Variants in DNAH9 observed in about 807,000 individuals in gnomAD.
The protein encoded by DNAH9 is dynein axonemal heavy chain 9.
Under a neutral mutation model 471.6 loss-of-function variants are expected in DNAH9, and 345 were observed. The observed-to-expected ratio is 0.73, with a 90% CI of 0.67 to 0.80. The LOEUF is 0.80. Among genes scored for constraint, DNAH9 ranks in the 30% least tolerant of loss-of-function variants. The pLI, the probability that DNAH9 is intolerant of heterozygous loss-of-function variation, is 0.00. For synonymous variants in DNAH9, 2,093 were observed against 2,123.6 expected (o/e 0.99, Z 0.40); for missense variants, 5,407 against 5,609.2 (o/e 0.96, Z 1.15).
Position 11,880,181 on chromosome 17 carries a change from G to C in DNAH9, c.10582G>C (p.Glu3528Gln). 1 of 1,613,764 alleles carries C rather than the reference G, an allele frequency of 6.2e-7. No homozygotes were observed. The highest frequency in any genetic ancestry group is 8.5e-7 in the Non-Finnish European group (1 of 1,179,832). The change falls in exon 54 of 69, where the codon GAA (glutamate) becomes CAA (glutamine). Residue 3528 changes from glutamate (E) to glutamine (Q), a missense_variant. By Grantham distance (29) the Glu-to-Gln change is conservative. Around this residue, in one of 3 missense-constraint regions of DNAH9, gnomAD observed 4,636 missense variants for 4,900.3 expected, o/e 0.95. Coordinates refer to ENST00000262442, the MANE Select transcript of DNAH9 (RefSeq NM_001372.4). ...DPVLGPLLGREVIKKGRFIKI... is the reference protein window; with the variant it reads ...DPVLGPLLGRQVIKKGRFIKI... Reference sequence around the variant, plus strand: ...TGTTCTGGGACCCCTGCTTGGGAGAGAAGTCATTAAAAAAGGACGGTAAGA... The same window carrying C: ...TGTTCTGGGACCCCTGCTTGGGAGACAAGTCATTAAAAAAGGACGGTAAGA...
At chr17:11,685,342 A>G (rs1442392274) in intron 19 of DNAH9, among the ~76,000 whole-genome samples, 1 of 152,222 alleles carries the variant, frequency 6.6e-6, no homozygotes, top group Non-Finnish European at 1.5e-5. Flanking sequence ...AAACAGCTGG[A>G]AAACTGCATG....
chr17:11,845,292 G>C (rs896108906), intron 49 of DNAH9, among the ~76,000 whole-genome samples: 1 of 135,012 alleles, frequency 7.4e-6, no homozygotes, highest in Non-Finnish European at 1.6e-5. Context: ...TACTGAGAAT[G>C]ATGATTTCCA....
chr17:11,924,002 C>G lies in DNAH9; in HGVS notation c.11877+61C>G, dbSNP rs540165794. On this transcript the variant is annotated intron_variant, in intron 62 of 68. Transcript: ENST00000262442. The stretch of plus-strand genomic sequence containing the variant: ...CCATACTTGCCTCATCCCACACTCA[C>G]TGGGCATCTCCATCCACTCTTAGCT... 8.2e-6 allele frequency: 13 copies of G among 1,578,906 alleles called. 1 individual carries two copies. In the South Asian group the frequency reaches 1.4e-4, roughly 17 times the overall value.
intron 14 of DNAH9, among the ~76,000 whole-genome samples, chr17:11,658,309 T>A (rs1597444812): frequency 1.3e-5 from 2 of 152,134 alleles, no homozygotes; most frequent in South Asian, 4.1e-4. Flanking sequence ...TAATTTCATT[T>A]TCCAATTACT....
intron 55 of DNAH9, chr17:11,883,262 C>T (rs1972785903): frequency 1.2e-5 from 12 of 1,043,334 alleles, no homozygotes; most frequent in Non-Finnish European, 1.3e-5. Context: ...CCTCTAGTTA[C>T]ACAAATAAGC....
intron 26 of DNAH9, among the ~76,000 whole-genome samples, chr17:11,715,979 G>T (rs1326347080): frequency 3.3e-5 from 5 of 152,126 alleles, no homozygotes; most frequent in Admixed American, 3.3e-4. Context: ...GAATCCTAGA[G>T]CAGGGATATG....
At chr17:11,702,335 C>T (rs1005793895) in intron 24 of DNAH9, among the ~76,000 whole-genome samples, 1 of 152,200 alleles carries the variant, frequency 6.6e-6, no homozygotes. Context: ...CCAGACCTAA[C>T]AAGAAATGTT....
intron 61 of DNAH9, among the ~76,000 whole-genome samples, chr17:11,913,252 G>A (rs1045830125): frequency 2.6e-5 from 4 of 152,156 alleles, no homozygotes. Flanking sequence ...ATCTGGGCCT[G>A]AGTTTTTTTG....
At chr17:11,769,537 T>G (rs913601124) in intron 38 of DNAH9, among the ~76,000 whole-genome samples, 3 of 152,218 alleles carry the variant, frequency 2.0e-5, no homozygotes, top group African/African-American at 7.2e-5. Flanking sequence ...CTGGTCTTTC[T>G]TTCTACATTC....
At chr17:11,862,338 G>A (rs1390100269) in intron 50 of DNAH9, among the ~76,000 whole-genome samples, 4 of 122,322 alleles carry the variant, frequency 3.3e-5, no homozygotes, top group Admixed American at 8.5e-5. Flanking sequence ...GTAGATATGC[G>A]GCGTTATTTC....
At chr17:11,638,680 T>C (rs2073208681) in intron 9 of DNAH9, among the ~76,000 whole-genome samples, 1 of 152,154 alleles carries the variant, frequency 6.6e-6, no homozygotes. Context: ...CCACCACGCC[T>C]GGCCCTCAGC....
chr17:11,735,815 A>G (rs1461828998), intron 28 of DNAH9, among the ~76,000 whole-genome samples: 1 of 152,172 alleles, frequency 6.6e-6, no homozygotes, highest in East Asian at 1.9e-4. Flanking sequence ...TCAAAGTAAA[A>G]CAAATTGCTC....
At chr17:11,871,830 C>A in intron 52 of DNAH9, 44 bp downstream of exon 52, 1 of 1,593,548 alleles carries the variant, frequency 6.3e-7, no homozygotes. Flanking sequence ...AGCCTCTGGG[C>A]ACCAATGGGA....
intron 19 of DNAH9, among the ~76,000 whole-genome samples, chr17:11,681,607 CTG>C (rs765864708): frequency 3.3e-5 from 5 of 152,296 alleles, no homozygotes; most frequent in Non-Finnish European, 5.9e-5. Context: ...CGCTCCAGCT[CTG>C]TGATTTGTTT....
chr17:11,712,224 A>G (rs1431188836), intron 26 of DNAH9, among the ~76,000 whole-genome samples: 1 of 147,116 alleles, frequency 6.8e-6, no homozygotes, highest in Non-Finnish European at 1.5e-5. Flanking sequence ...AAACTCCCAT[A>G]TTTTTTAGGT....
chr17:11,890,400 G>C (rs1973011315), intron 57 of DNAH9, among the ~76,000 whole-genome samples: 1 of 152,164 alleles, frequency 6.6e-6, no homozygotes, highest in Non-Finnish European at 1.5e-5. Flanking sequence ...AAGAAAGACT[G>C]CAAAGCCTTT....
At chr17:11,660,319 CTTTTTTTTTTT>C (rs1208889792) in intron 14 of DNAH9, among the ~76,000 whole-genome samples, 76 of 97,508 alleles carry the variant, frequency 7.8e-4, no homozygotes, top group African/African-American at 2.7e-3. Context: ...TTAAATGTTT[CTTTTTTTTTTT>C]TTTTTTTTTT....
At position 11,699,957 on chromosome 17, in the gene DNAH9, A is replaced by C. The variant is rs78087130; in HGVS notation, c.5025+74A>C. 12,940 of 1,487,960 alleles carry C rather than the reference A, an allele frequency of 8.7e-3. 857 individuals are homozygous for C. The African/African-American group carries it at 0.15, about 17-fold the overall frequency. The allele number at this position is 1,487,960 out of a possible 1,614,324, so 92.2% of individuals were successfully genotyped here. A position where few individuals can be genotyped will look rare whatever the true frequency, so the allele number is the denominator to read the frequency against. ...CTTCATTCAAATATGATCAGCATCA[A>C]CTCTAGGAGGGCCTTTCTGACCTTG... On this transcript the variant is annotated intron_variant, in intron 23 of 68. Transcript: ENST00000262442.
intron 35 of DNAH9, among the ~76,000 whole-genome samples, chr17:11,759,908 G>C (rs909434515): frequency 1.3e-5 from 2 of 152,052 alleles, no homozygotes; most frequent in Non-Finnish European, 2.9e-5. Context: ...GGATGATCTT[G>C]ATCTCTTGAC....
Sources: gnomAD v4.1 joint callset for allele counts (sites outside exome capture counted in the v4.1 genomes callset) on GRCh38, gnomAD v4.1.1 for gene constraint, gnomAD v4.1.1 regional missense constraint, MANE v1.5 for transcripts, NCBI Gene and HGNC (gene_info 2026-07-23, HGNC 2026-07-21) for gene names.